The following MRPS5 variants were observed in gnomAD, a reference collection of about 807,000 sequenced individuals.
MRPS5 encodes the protein mitochondrial ribosomal protein S5, also known as small ribosomal subunit protein uS5m.
A neutral mutation model predicts 51.9 loss-of-function variants in MRPS5; 27 were observed. The observed-to-expected ratio is 0.52, with a 90% CI of 0.38 to 0.72. The LOEUF is 0.72. MRPS5 is among the 30% of genes least tolerant of loss of function. MRPS5 has a pLI of 0.00. For missense variants in MRPS5, 570 were observed against 545.7 expected (o/e 1.04, Z -0.44); for synonymous variants, 196 against 193.2 (o/e 1.01, Z -0.12).
chr2:95,111,047 A>G (rs1159431696), intron 3 of MRPS5, among the ~76,000 whole-genome samples: 1 of 152,230 alleles, frequency 6.6e-6, no homozygotes, highest in Non-Finnish European at 1.5e-5. Flanking sequence ...TTTTAGGGTT[A>G]TAATACTTTT....
At chr2:95,106,494 G>C (rs751459942) in intron 5 of MRPS5, 37 bp from the exon 6 acceptor site, 5 of 1,549,584 alleles carry the variant, frequency 3.2e-6, no homozygotes, top group Admixed American at 1.7e-5. Context: ...CAGATGAAAT[G>C]TGTGTACACA....
chr2:95,105,399 A>C (rs1344473264), intron 6 of MRPS5, among the ~76,000 whole-genome samples: 1 of 152,108 alleles, frequency 6.6e-6, no homozygotes, highest in African/African-American at 2.4e-5. Flanking sequence ...AAATACAAAA[A>C]ATTAGCCGGG....
intron 6 of MRPS5, among the ~76,000 whole-genome samples, chr2:95,104,997 T>C (rs957865857): frequency 2.0e-5 from 3 of 152,206 alleles, no homozygotes; most frequent in African/African-American, 7.2e-5. Flanking sequence ...GAATTTGACA[T>C]TATACATCTC....
chr2:95,100,614 T>C, intron 9 of MRPS5, 78 bp from the exon 10 acceptor site: 1 of 1,123,582 alleles, frequency 8.9e-7, no homozygotes, highest in Non-Finnish European at 1.3e-6. Context: ...CAAAGCAATG[T>C]ATACTAGCCT....
At position 95,117,906 on chromosome 2, in the gene MRPS5, G is replaced by C; in HGVS notation, c.98C>G (p.Pro33Arg). The C allele has an allele frequency of 6.2e-7, 1 of 1,608,444 alleles. No homozygotes were observed. The highest frequency in any genetic ancestry group is 8.5e-7 in the Non-Finnish European group (1 of 1,178,812). ...LGRQCSLNTL[P>R]AASILAWKSV... ...CTTCCATGCCAAAATGGAAGCTGCT[G>C]GTAAGGTGTTTAGGGAACACTGCCT... Residue 33 changes from proline (P) to arginine (R), a missense_variant, in exon 2 of 12, where the codon CCA becomes CGA. Transcript: ENST00000272418.
chr2:95,113,669 T>C (rs1341536278), intron 3 of MRPS5, among the ~76,000 whole-genome samples: 1 of 152,106 alleles, frequency 6.6e-6, no homozygotes. Flanking sequence ...TAAGCCTATG[T>C]TGCTTAATCC....
chr2:95,117,055 C>T (rs1237993556), intron 2 of MRPS5, among the ~76,000 whole-genome samples: 4 of 151,946 alleles, frequency 2.6e-5, no homozygotes, highest in East Asian at 3.9e-4. Flanking sequence ...GCAGGAGAAT[C>T]GCTTGAACCC....
At chr2:95,100,170 A>G (rs1191682077) in intron 10 of MRPS5, among the ~76,000 whole-genome samples, 2 of 152,190 alleles carry the variant, frequency 1.3e-5, no homozygotes, top group African/African-American at 4.8e-5. Context: ...TGAATTCCCT[A>G]TGAGGAACTA....
Position 95,087,074 on chromosome 2 carries a change from T to C in MRPS5, c.*283A>G, listed in dbSNP as rs141546986. On this transcript the variant is annotated 3_prime_UTR_variant, in exon 12 of 12. Coordinates refer to ENST00000272418, the MANE Select transcript of MRPS5 (RefSeq NM_031902.5). ...TATCATTGTGTACATTATTACTGATTGGGTCAAATTATTAACCCCGTCTCC... is the reference window on the plus strand; with the variant it reads ...TATCATTGTGTACATTATTACTGATCGGGTCAAATTATTAACCCCGTCTCC... 785 of 326,576 alleles carry C rather than the reference T, an allele frequency of 2.4e-3. 6 individuals carry two copies. Among genetic ancestry groups the C allele is most frequent in the African/African-American group, 0.015 (693 of 47,252 alleles). 20.2% of individuals were successfully genotyped at this position (326,576 alleles called of 1,614,324 possible).
At position 95,114,297 on chromosome 2, in the gene MRPS5, G is replaced by A. The variant is rs565469362; in HGVS notation, c.277+769C>T. 6.0e-5 allele frequency among the ~76,000 whole-genome samples: 9 copies of A among 150,204 alleles called. 1 individual carries two copies. The highest frequency in any genetic ancestry group is 2.0e-4 in the African/African-American group (8 of 40,846). On this transcript the variant is annotated intron_variant, in intron 3 of 11. Transcript: ENST00000272418. ...TTTGGAGATGGAGTCTCGCTCTGTG[G>A]CCCAGGCTGGAGTGCAGTGGCACGA...
chr2:95,092,275 A>T (rs1675488780), intron 10 of MRPS5: 1 of 152,258 alleles, frequency 6.6e-6, no homozygotes, highest in South Asian at 2.1e-4. Flanking sequence ...ACTGTTCTAT[A>T]GCCGAAGTAG....
At chr2:95,099,382 AGTTT>A (rs1261042917) in intron 10 of MRPS5, among the ~76,000 whole-genome samples, 1 of 152,142 alleles carries the variant, frequency 6.6e-6, no homozygotes, top group Non-Finnish European at 1.5e-5. Context: ...CATTTTGAAA[AGTTT>A]TTTTTAAAAA....
Position 95,115,138 on chromosome 2 carries a change from TC to T in MRPS5, c.204del (p.Thr69HisfsTer11). On this transcript the variant is annotated frameshift_variant, in exon 3 of 12. Coordinates refer to ENST00000272418, the MANE Select transcript of MRPS5 (RefSeq NM_031902.5). LOFTEE classifies it high-confidence loss of function. ...CTGGGAGAAGAAATACAGCATTGTGTCTGCAGTGCACGGCTCAAGCTGGCGT... is the reference window on the plus strand; with the variant it reads ...CTGGGAGAAGAAATACAGCATTGTGTTGCAGTGCACGGCTCAAGCTGGCGT... ...HPYASLSRAL[Q>X]TQCCISSPSH... The T allele has an allele frequency of 6.2e-7, 1 of 1,613,194 alleles. No homozygotes were observed. Among genetic ancestry groups the T allele is most frequent in the Admixed American group, 1.7e-5 (1 of 59,648 alleles).
chr2:95,090,844 T>A, intron 10 of MRPS5: 1 of 266,398 alleles, frequency 3.8e-6, no homozygotes, highest in Non-Finnish European at 7.4e-6. Flanking sequence ...TAACTAAGGA[T>A]GGAGGGACAC....
Position 95,087,179 on chromosome 2 carries a change from C to G in MRPS5, c.*178G>C, listed in dbSNP as rs1675315583. ...AGATATGTATGTAAAGGTTCTATCA[C>G]ATTGGCATATAACATGTGCTCAACA... On this transcript the variant is annotated 3_prime_UTR_variant, in exon 12 of 12. Transcript: ENST00000272418. 1.8e-6 allele frequency: 1 copy of G among 565,480 alleles called. No homozygotes were observed. The allele number at this position is 565,480 out of a possible 1,614,324, so 35.0% of individuals were successfully genotyped here. A position where few individuals can be genotyped will look rare whatever the true frequency, so the allele number is the denominator to read the frequency against.
In MRPS5 at chr2:95,104,408, T is replaced by C. The variant is rs1166761791; in HGVS notation, c.763+232A>G. ...ATAAAATAATGTCTTCAGCCTTTTA[T>C]AATATTCCTTTTCCTCAGAGGAAAA... On this transcript the variant is annotated intron_variant, in intron 7 of 11. Coordinates refer to ENST00000272418, the MANE Select transcript of MRPS5 (RefSeq NM_031902.5). 1.8e-5 allele frequency: 10 copies of C among 548,546 alleles called. No homozygotes were observed. The East Asian group carries it at 2.6e-4, about 14-fold the overall frequency. The allele number at this position is 548,546 out of a possible 1,614,324, so 34.0% of individuals were successfully genotyped here.
intron 10 of MRPS5, among the ~76,000 whole-genome samples, chr2:95,095,477 T>C (rs1414540317): frequency 6.6e-6 from 1 of 152,160 alleles, no homozygotes; most frequent in Non-Finnish European, 1.5e-5. Flanking sequence ...TCAGCAAATG[T>C]AAGAGAACAG....
chr2:95,109,497 C>T (rs970239749), intron 4 of MRPS5, among the ~76,000 whole-genome samples: 2 of 152,268 alleles, frequency 1.3e-5, no homozygotes, highest in Non-Finnish European at 2.9e-5. Flanking sequence ...GCCTATTCGA[C>T]TGTGTGTTAT....
At chr2:95,121,643 G>A in intron 1 of MRPS5, 91 bp downstream of exon 1, 1 of 1,395,788 alleles carries the variant, frequency 7.2e-7, no homozygotes, top group Non-Finnish European at 9.5e-7. Flanking sequence ...GCGGCTTCTC[G>A]CTTCCCTCCG....
Sources: allele counts gnomAD v4.1 joint callset (sites outside exome capture counted in the v4.1 genomes callset), GRCh38; gene constraint gnomAD v4.1.1; transcripts MANE v1.5; gene names NCBI Gene and HGNC (gene_info 2026-07-23, HGNC 2026-07-21).